OR2A5: variants seen among roughly 807,000 people sequenced by gnomAD.
OR2A5 encodes the protein olfactory receptor family 2 subfamily A member 5.
A neutral mutation model predicts 1.9 loss-of-function variants in OR2A5; 2 were observed. That is an observed-to-expected ratio of 1.04 (90% confidence interval 0.43 to 3.28). The LOEUF (loss-of-function observed/expected upper bound fraction) is 3.28. Ranked by LOEUF, OR2A5 falls within the 30% of genes most tolerant of loss-of-function variation. The probability of loss-of-function intolerance (pLI) is 0.08; values close to 1 mark genes in which losing one functional copy is unlikely to be tolerated. For missense variants in OR2A5, 391 were observed against 375.9 expected, an observed-to-expected ratio of 1.04 and a Z score of -0.33; for synonymous variants, 160 against 154.5, an observed-to-expected ratio of 1.04 and a Z score of -0.26.
At position 144,056,091 on chromosome 7, in the gene OR2A5, C is replaced by A. The variant is rs752484428; in HGVS notation, c.*4754C>A. On this transcript the variant is annotated 3_prime_UTR_variant, in exon 2 of 2. Coordinates refer to ENST00000641693, the MANE Select transcript of OR2A5 (RefSeq NM_012365.2). ...GTTAGCCGACTGTTTGTAAGCTGGCCTGAGTGGAGATAGCTTTGCTCTTAG... is the reference window on the plus strand; with the variant it reads ...GTTAGCCGACTGTTTGTAAGCTGGCATGAGTGGAGATAGCTTTGCTCTTAG... The A allele has an allele frequency of 6.6e-6, 1 of 152,160 alleles. No homozygotes were observed. The highest frequency in any genetic ancestry group is 1.5e-5 in the Non-Finnish European group (1 of 68,050). The allele number at this position is 152,160 out of a possible 1,614,324, so 9.4% of individuals were successfully genotyped here.
At position 144,054,703 on chromosome 7, in the gene OR2A5, T is replaced by C. The variant is rs1351159257; in HGVS notation, c.*3366T>C. 2 of 152,182 alleles carry C rather than the reference T, an allele frequency of 1.3e-5. No individual in the cohort carries two copies. The highest frequency in any genetic ancestry group is 1.3e-4 in the Admixed American group (2 of 15,278). The allele number at this position is 152,182 out of a possible 1,614,324, so 9.4% of individuals were successfully genotyped here. A position where few individuals can be genotyped will look rare whatever the true frequency, so the allele number is the denominator to read the frequency against. On this transcript the variant is annotated 3_prime_UTR_variant, in exon 2 of 2. Coordinates refer to ENST00000641693, the MANE Select transcript of OR2A5 (RefSeq NM_012365.2). The stretch of plus-strand genomic sequence containing the variant: ...ACAAAACTGTAAGAAGAATCCTACA[T>C]AAAATTTTACATTCTCTATATAGCT...
rs2050892336 is a variant in OR2A5 at position 144,050,490 on chromosome 7, T to A, written c.89T>A (p.Phe30Tyr). The A allele has an allele frequency of 1.9e-6, 3 of 1,597,600 alleles. No homozygotes were observed. The highest frequency in any genetic ancestry group is 2.6e-6 in the Non-Finnish European group (3 of 1,173,160). ...LRIQMLLSGLFSLLYVFTLLG... is the reference protein window; with the variant it reads ...LRIQMLLSGLYSLLYVFTLLG... The stretch of plus-strand genomic sequence containing the variant: ...ATTCAGATGCTCCTCTCTGGGCTTT[T>A]CTCCCTGTTATACGTCTTCACCCTG... The change falls in exon 2 of 2, where the codon TTC becomes TAC. Residue 30 changes from phenylalanine to tyrosine, a missense_variant. Phe to Tyr is a conservative substitution (Grantham distance 22). Transcript: ENST00000641693.
Position 144,052,819 on chromosome 7 carries a change from G to A in OR2A5, c.*1482G>A, listed in dbSNP as rs1265622643. 1.3e-5 allele frequency: 2 copies of A among 151,918 alleles called. No homozygotes were observed. Among genetic ancestry groups the A allele is most frequent in the Non-Finnish European group, 2.9e-5 (2 of 67,990 alleles). The allele number at this position is 151,918 out of a possible 1,614,324, so 9.4% of individuals were successfully genotyped here. On this transcript the variant is annotated 3_prime_UTR_variant, in exon 2 of 2. Coordinates refer to ENST00000641693, the MANE Select transcript of OR2A5 (RefSeq NM_012365.2). The stretch of plus-strand genomic sequence containing the variant: ...AATTTGAATTTAAAAAAAAATACTG[G>A]ATCTAAATTTAACTATCAACCACTA...
Sources: allele counts gnomAD v4.1 joint callset, GRCh38; gene constraint gnomAD v4.1.1; transcripts MANE v1.5; gene names NCBI Gene and HGNC (gene_info 2026-07-23, HGNC 2026-07-21).